The following JHY variants were observed in gnomAD, a reference collection of about 807,000 sequenced individuals.
JHY encodes the protein jhy protein homolog.
In JHY, 69 loss-of-function variants were observed where a neutral mutation model predicts 78.0. The observed-to-expected ratio is 0.88, with a 90% confidence interval of 0.73 to 1.08. The LOEUF (loss-of-function observed/expected upper bound fraction) is 1.08, where lower values mean the gene tolerates loss of function less well. Among genes scored for constraint, JHY ranks in the 50% least tolerant of loss-of-function variants. The probability of loss-of-function intolerance (pLI) is 0.00; values close to 1 mark genes in which losing one functional copy is unlikely to be tolerated. For missense variants in JHY, 944 were observed against 927.8 expected (o/e 1.02, Z -0.23); for synonymous variants, 368 against 342.6 (o/e 1.07, Z -0.82).
rs140959459 is a variant in JHY at position 122,959,415 on chromosome 11, G to A, written c.2307G>A (p.Val769=). The A allele has an allele frequency of 9.3e-6, 15 of 1,614,096 alleles. No individual in the cohort carries two copies. In the African/African-American group the frequency reaches 1.9e-4, roughly 20 times the overall value. Residue 769 remains valine, a synonymous_variant, in exon 9 of 9, where the codon GTG becomes GTA. Transcript: ENST00000227349. The part of the protein sequence containing the change: ...QNRHEREKQA[V]AAFKVLHIV ...GACACGAAAGGGAAAAACAGGCTGT[G>A]GCTGCTTTCAAAGTCCTTCACATCG...
At chr11:122,951,990 CTTTT>C (rs768377869) in intron 6 of JHY, among the ~76,000 whole-genome samples, 1 of 133,462 alleles carries the variant, frequency 7.5e-6, no homozygotes. Context: ...TGTTGATTTA[CTTTT>C]TTTTTTTTTT....
chr11:122,930,466 A>G (rs1188603888), intron 4 of JHY, among the ~76,000 whole-genome samples: 1 of 152,206 alleles, frequency 6.6e-6, no homozygotes, highest in Admixed American at 6.5e-5. Flanking sequence ...ATACATTTAC[A>G]TGCTAGAAAG....
Position 122,885,838 on chromosome 11 carries a change from G to A in JHY, c.-12G>A, listed in dbSNP as rs1862482158. On this transcript the variant is annotated 5_prime_UTR_variant, in exon 2 of 9. Coordinates refer to ENST00000227349, the MANE Select transcript of JHY (RefSeq NM_024806.4). ...CACGAGTATCCCCTGTTAATTTTTTGCATTTTTCAAGATGAGTAAACGTAA... is the reference window on the plus strand; with the variant it reads ...CACGAGTATCCCCTGTTAATTTTTTACATTTTTCAAGATGAGTAAACGTAA... 1 of 1,574,650 alleles carries A rather than the reference G, an allele frequency of 6.4e-7. No individual in the cohort carries two copies. Among genetic ancestry groups the A allele is most frequent in the African/African-American group, 1.4e-5 (1 of 73,166 alleles).
At chr11:122,905,155 C>A in intron 3 of JHY, 2 of 1,592,762 alleles carry the variant, frequency 1.3e-6, no homozygotes, top group Non-Finnish European at 1.7e-6. Context: ...TAATAAATGC[C>A]TTCTCTTCCT....
chr11:122,918,869 G>A (rs1565320154), intron 3 of JHY, among the ~76,000 whole-genome samples: 1 of 146,480 alleles, frequency 6.8e-6, no homozygotes, highest in Non-Finnish European at 1.5e-5. Context: ...TGCCTTCCTG[G>A]AATTTACAGT....
rs1162107075 is a variant in JHY at position 122,904,331 on chromosome 11, T to G, written c.751T>G (p.Ser251Ala). 3 of 1,613,924 alleles carry G rather than the reference T, an allele frequency of 1.9e-6. No homozygotes were observed. The East Asian group carries it at 6.7e-5, about 36-fold the overall frequency. Reference protein sequence around the residue: ...PGSRGPRRRKSKQHFVEKNKL... With the variant: ...PGSRGPRRRKAKQHFVEKNKL... ...ATCACGTGGCCCTCGGCGAAGGAAA[T>G]CCAAACAACATTTTGTGGAAAAAAA... The change falls in exon 3 of 9, where the codon TCC (serine) becomes GCC (alanine). Residue 251 changes from serine to alanine, a missense_variant. By Grantham distance (99) the Ser-to-Ala change is moderately conservative. Transcript: ENST00000227349.
intron 3 of JHY, among the ~76,000 whole-genome samples, chr11:122,910,481 A>C (rs3134412): frequency 0.13 from 19,140 of 151,864 alleles, 1,882 homozygotes; most frequent in East Asian, 0.57. Flanking sequence ...CAAAAAAAAA[A>C]ACCAAAAAAC....
intron 3 of JHY, among the ~76,000 whole-genome samples, chr11:122,911,658 C>A (rs1336470803): frequency 1.3e-5 from 2 of 152,152 alleles, no homozygotes; most frequent in South Asian, 2.1e-4. Context: ...ATAACCCTAG[C>A]ACTTTGGGAG....
chr11:122,884,801 A>G (rs1252914925), intron 1 of JHY, among the ~76,000 whole-genome samples: 1 of 151,872 alleles, frequency 6.6e-6, no homozygotes, highest in African/African-American at 2.4e-5. Flanking sequence ...TTTGTTGAAC[A>G]GTTTTATTTA....
Position 122,903,786 on chromosome 11 carries a change from T to C in JHY, c.345-139T>C, listed in dbSNP as rs1234914875. ...TATGAGCCACTGCACGCTGCTGGGA[T>C]TTGTGTTTAGCATACAGATAATAAA... is the stretch of plus-strand genomic sequence containing the variant. On this transcript the variant is annotated intron_variant, in intron 2 of 8. Transcript: ENST00000227349. The C allele has an allele frequency of 1.5e-5, 18 of 1,209,700 alleles. No homozygotes were observed. The East Asian group carries it at 3.8e-4, about 25-fold the overall frequency. 74.9% of individuals were successfully genotyped at this position (1,209,700 alleles called of 1,614,324 possible).
intron 6 of JHY, among the ~76,000 whole-genome samples, chr11:122,949,317 A>G (rs1221145872): frequency 6.6e-6 from 1 of 152,052 alleles, no homozygotes; most frequent in African/African-American, 2.4e-5. Flanking sequence ...CGGGGGGATC[A>G]TGGAGGAATT....
chr11:122,932,057 A>G (rs1242140580), intron 4 of JHY, among the ~76,000 whole-genome samples: 1 of 152,194 alleles, frequency 6.6e-6, no homozygotes, highest in Non-Finnish European at 1.5e-5. Context: ...CCCCAGTGAG[A>G]GCAGAATGGA....
At chr11:122,924,539 G>T (rs749201850) in intron 3 of JHY, among the ~76,000 whole-genome samples, 1 of 152,150 alleles carries the variant, frequency 6.6e-6, no homozygotes, top group Middle Eastern at 3.2e-3. Flanking sequence ...TCATCTTGGC[G>T]TATAGTGTTA....
Position 122,961,154 on chromosome 11 carries a change from G to T in JHY, c.*1709G>T. On this transcript the variant is annotated 3_prime_UTR_variant, in exon 9 of 9. Transcript: ENST00000227349. ...GACTAAATGGAAACTAGGCTATGTG[G>T]CAAAATCTTTCTGTATTGCCCTCTA... is the stretch of plus-strand genomic sequence containing the variant. The T allele has an allele frequency of 1.6e-6, 1 of 633,888 alleles. No individual in the cohort carries two copies. Among genetic ancestry groups the T allele is most frequent in the Non-Finnish European group, 2.8e-6 (1 of 356,766 alleles). The allele number at this position is 633,888 out of a possible 1,614,324, so 39.3% of individuals were successfully genotyped here.
At position 122,954,376 on chromosome 11, in the gene JHY, A is replaced by G. The variant is rs554322393; in HGVS notation, c.1930-2120A>G. ...GAATGTTTGTCTTTTGAACATCTACAGTGGGAAGTGGCAGTGGAGAAGTGA... is the reference window on the plus strand; with the variant it reads ...GAATGTTTGTCTTTTGAACATCTACGGTGGGAAGTGGCAGTGGAGAAGTGA... On this transcript the variant is annotated intron_variant, in intron 6 of 8. Coordinates refer to ENST00000227349, the MANE Select transcript of JHY (RefSeq NM_024806.4). Among the ~76,000 whole-genome samples the G allele has an allele frequency of 1.6e-4, 25 of 152,336 alleles. No individual in the cohort carries two copies. In the South Asian group the frequency reaches 5.2e-3, roughly 32 times the overall value.
At chr11:122,921,714 C>T (rs959270173) in intron 3 of JHY, among the ~76,000 whole-genome samples, 3 of 152,078 alleles carry the variant, frequency 2.0e-5, no homozygotes, top group Non-Finnish European at 2.9e-5. Context: ...AAATAGCTGG[C>T]CTTGGTGGCT....
chr11:122,900,478 T>C (rs1386461223), intron 2 of JHY, among the ~76,000 whole-genome samples: 1 of 136,512 alleles, frequency 7.3e-6, no homozygotes, highest in Non-Finnish European at 1.6e-5. Context: ...CTTTTGAAGA[T>C]CAAAGAGGCC....
intron 3 of JHY, among the ~76,000 whole-genome samples, chr11:122,922,809 CAAAAAAAA>C (rs571482464): frequency 2.7e-4 from 12 of 44,372 alleles, no homozygotes; most frequent in Non-Finnish European, 7.7e-4. Flanking sequence ...GACTCCGTCT[CAAAAAAAA>C]AAAAAAAAAA....
rs184442745 is a variant in JHY, at chr11:122,928,900, G to A, written c.978+3890G>A. ...CCTGACCTCGTGATCCGCCCGCCTCGGCCTCCCAAAGTGCCAGGATTACAG... is the reference window on the plus strand; with the variant it reads ...CCTGACCTCGTGATCCGCCCGCCTCAGCCTCCCAAAGTGCCAGGATTACAG... On this transcript the variant is annotated intron_variant, in intron 4 of 8. Coordinates refer to ENST00000227349, the MANE Select transcript of JHY (RefSeq NM_024806.4). 3.0e-3 allele frequency among the ~76,000 whole-genome samples: 457 copies of A among 151,852 alleles called. 1 individual carries two copies. Among genetic ancestry groups the A allele is most frequent in the African/African-American group, 9.4e-3 (388 of 41,418 alleles).
Sources: gnomAD v4.1 joint callset for allele counts (sites outside exome capture counted in the v4.1 genomes callset) on GRCh38, gnomAD v4.1.1 for gene constraint, MANE v1.5 for transcripts, NCBI Gene and HGNC (gene_info 2026-07-23, HGNC 2026-07-21) for gene names.